The following UNC13C variants were observed in gnomAD, a reference collection of about 807,000 sequenced individuals.
The protein encoded by UNC13C is unc-13 homolog C.
Under a neutral mutation model 245.4 loss-of-function variants are expected in UNC13C, and 174 were observed. The observed-to-expected ratio is 0.71, with a 90% CI of 0.63 to 0.80. UNC13C has a LOEUF of 0.80. Among genes scored for constraint, UNC13C ranks in the 30% least tolerant of loss-of-function variants. The pLI, the probability that UNC13C is intolerant of heterozygous loss-of-function variation, is 0.00. For missense variants in UNC13C, 2,829 were observed against 2,602.9 expected, an observed-to-expected ratio of 1.09 and a Z score of -1.89; for synonymous variants, 992 against 895.1, an observed-to-expected ratio of 1.11 and a Z score of -1.93.
the UNC13C span, among the ~76,000 whole-genome samples, chr15:53,949,068 A>G: frequency 6.6e-6 from 1 of 152,240 alleles, no homozygotes; most frequent in African/African-American, 2.4e-5. Flanking sequence ...GGGACTTATA[A>G]TCTACAGAGG....
intron 28 of UNC13C, among the ~76,000 whole-genome samples, chr15:54,550,182 T>C (rs1267545298): frequency 6.6e-6 from 1 of 152,172 alleles, no homozygotes; most frequent in Non-Finnish European, 1.5e-5. Context: ...CTGGCTAAAA[T>C]ACATGCTATT....
At chr15:54,188,586 C>A (rs996307224) in intron 4 of UNC13C, among the ~76,000 whole-genome samples, 1 of 152,142 alleles carries the variant, frequency 6.6e-6, no homozygotes. Flanking sequence ...AAATGATTTT[C>A]AAAGCCGGAT....
chr15:54,089,245 A>G (rs747395193), intron 2 of UNC13C, among the ~76,000 whole-genome samples: 7 of 152,198 alleles, frequency 4.6e-5, no homozygotes, highest in Non-Finnish European at 8.8e-5. Context: ...AAAGCAAGGT[A>G]TGCCTAGTAC....
At chr15:54,420,852 G>A (rs1280563489) in intron 19 of UNC13C, among the ~76,000 whole-genome samples, 2 of 151,968 alleles carry the variant, frequency 1.3e-5, no homozygotes, top group South Asian at 2.1e-4. Context: ...CCTCTGGGAA[G>A]GGAATTCTGG....
intron 4 of UNC13C, among the ~76,000 whole-genome samples, chr15:54,216,982 T>G (rs1294428982): frequency 6.6e-6 from 1 of 151,966 alleles, no homozygotes; most frequent in African/African-American, 2.4e-5. Flanking sequence ...ATCATCAGGT[T>G]ACTTTAGAGT....
chr15:54,322,691 A>T (rs1468070863), intron 14 of UNC13C, among the ~76,000 whole-genome samples: 2 of 152,074 alleles, frequency 1.3e-5, no homozygotes, highest in Non-Finnish European at 2.9e-5. Context: ...CGTCTGTTGC[A>T]TCCATCAGTG....
intron 30 of UNC13C, among the ~76,000 whole-genome samples, chr15:54,588,514 TC>T (rs1898604124): frequency 6.6e-6 from 1 of 152,180 alleles, no homozygotes; most frequent in Admixed American, 6.5e-5. Flanking sequence ...TTCTTTTTTT[TC>T]CATAAGTTAT....
At chr15:54,147,883 G>A (rs2032348653) in intron 4 of UNC13C, among the ~76,000 whole-genome samples, 1 of 152,014 alleles carries the variant, frequency 6.6e-6, no homozygotes, top group South Asian at 2.1e-4. Context: ...AAGCAATGGT[G>A]GGATTAGGGA....
intron 27 of UNC13C, among the ~76,000 whole-genome samples, chr15:54,547,153 A>G (rs1427641649): frequency 6.6e-6 from 1 of 152,236 alleles, no homozygotes; most frequent in Non-Finnish European, 1.5e-5. Context: ...CGACCTCAAG[A>G]AAATAGAATT....
chr15:53,941,430 G>GA, the UNC13C span, among the ~76,000 whole-genome samples: 7 of 152,052 alleles, frequency 4.6e-5, no homozygotes, highest in African/African-American at 1.7e-4. Context: ...TGCAACCAAA[G>GA]AAAAAATTGA....
chr15:54,228,848 C>G (rs887982852), intron 4 of UNC13C, among the ~76,000 whole-genome samples: 3 of 152,156 alleles, frequency 2.0e-5, no homozygotes, highest in African/African-American at 7.2e-5. Flanking sequence ...ACAAAGTCTC[C>G]CTGAGCCACC....
rs933691746 is a variant in UNC13C, at chr15:54,513,772, C to T, written c.5457+1942C>T. Among the ~76,000 whole-genome samples, 6 of 151,156 alleles carry T rather than the reference C, an allele frequency of 4.0e-5. No individual in the cohort carries two copies. In the East Asian group the frequency reaches 7.7e-4, roughly 19 times the overall value. ...AATAAAATGAATGCCTAGCTTCTAACGATGTAATCTTCTCCTTTCTTTTTC... is the reference window on the plus strand; with the variant it reads ...AATAAAATGAATGCCTAGCTTCTAATGATGTAATCTTCTCCTTTCTTTTTC... On this transcript the variant is annotated intron_variant, in intron 24 of 32. Transcript: ENST00000260323.
Position 54,075,304 on chromosome 15 carries a change from C to T in UNC13C, c.2983+59418C>T, listed in dbSNP as rs554143036. On this transcript the variant is annotated intron_variant, in intron 2 of 32. Coordinates refer to ENST00000260323, the MANE Select transcript of UNC13C (RefSeq NM_001080534.3). ...ATGGAGACCACCCTGGCTAACACGG[C>T]GAAACACCGTCTCTACTAAAAATAC... Among the ~76,000 whole-genome samples, 28 of 151,856 alleles carry T rather than the reference C, an allele frequency of 1.8e-4. No individual in the cohort carries two copies. The South Asian group carries it at 5.0e-3, about 27-fold the overall frequency.
chr15:54,341,498 A>G (rs1333826616), intron 17 of UNC13C, among the ~76,000 whole-genome samples: 1 of 152,198 alleles, frequency 6.6e-6, no homozygotes, highest in Non-Finnish European at 1.5e-5. Flanking sequence ...TAAGGGGATC[A>G]GTCGTACGCA....
chr15:53,909,256 C>A, the UNC13C span, among the ~76,000 whole-genome samples: 12 of 146,460 alleles, frequency 8.2e-5, 1 homozygote, highest in African/African-American at 2.9e-4. Context: ...AATATCAGAG[C>A]ACTTTTCTGC....
the UNC13C span, among the ~76,000 whole-genome samples, chr15:53,865,042 G>T: frequency 3.5e-4 from 54 of 152,284 alleles, no homozygotes; most frequent in African/African-American, 1.3e-3. Flanking sequence ...AGAGAGAAAA[G>T]AATGAGCAAT....
chr15:54,405,026 A>G (rs1454913901), intron 18 of UNC13C, among the ~76,000 whole-genome samples: 2 of 152,178 alleles, frequency 1.3e-5, no homozygotes, highest in African/African-American at 4.8e-5. Flanking sequence ...AATCTAAATA[A>G]TATTTTCCTG....
intron 28 of UNC13C, among the ~76,000 whole-genome samples, chr15:54,549,920 T>C (rs1461711701): frequency 6.6e-6 from 1 of 152,188 alleles, no homozygotes; most frequent in African/African-American, 2.4e-5. Context: ...ACTGGCTTGA[T>C]GTGAACAAAG....
At chr15:54,256,198 C>T (rs1311818246) in intron 8 of UNC13C, among the ~76,000 whole-genome samples, 2 of 152,050 alleles carry the variant, frequency 1.3e-5, no homozygotes, top group Non-Finnish European at 2.9e-5. Context: ...GGAACACACC[C>T]GTAGTTTTAA....
Sources: gnomAD v4.1 joint callset for allele counts (sites outside exome capture counted in the v4.1 genomes callset) on GRCh38, gnomAD v4.1.1 for gene constraint, MANE v1.5 for transcripts, NCBI Gene and HGNC (gene_info 2026-07-23, HGNC 2026-07-21) for gene names.